GPR50: variants seen among roughly 807,000 people sequenced by gnomAD.
GPR50 encodes the protein G protein-coupled receptor 50.
GPR50 carries 1 observed loss-of-function variant against 2.6 expected under a neutral mutation model. The ratio of observed to expected loss-of-function variants is 0.38; its 90% CI spans 0.13 to 1.79. The LOEUF is 1.79. GPR50 is among the 40% of genes most tolerant of loss of function. GPR50 has a pLI of 0.33. For missense variants in GPR50, 535 were observed against 522.1 expected, an observed-to-expected ratio of 1.02 and a Z score of -0.24; for synonymous variants, 233 against 202.3, an observed-to-expected ratio of 1.15 and a Z score of -1.29.
In GPR50 at chrX:151,181,151, C is replaced by T; in HGVS notation, c.1568C>T (p.Pro523Leu). ...CCCACCACTGCTGACTATCCCAAGCCTGCCACTACCAGCCACCCTAAGCCC... is the reference window on the plus strand; with the variant it reads ...CCCACCACTGCTGACTATCCCAAGCTTGCCACTACCAGCCACCCTAAGCCC... ...AEPTTADYPKPATTSHPKPTA... is the reference protein window; with the variant it reads ...AEPTTADYPKLATTSHPKPTA... The change falls in exon 2 of 2, where the codon CCT becomes CTT. Residue 523 changes from proline (P) to leucine (L), a missense_variant. Pro to Leu is a moderately conservative substitution (Grantham distance 98). Transcript: ENST00000218316. 1 of 1,210,099 alleles carries T rather than the reference C, an allele frequency of 8.3e-7. No homozygotes were observed. Among genetic ancestry groups the T allele is most frequent in the Middle Eastern group, 2.3e-4 (1 of 4,348 alleles).
In GPR50 at chrX:151,180,179, T is replaced by C. The variant is rs1368018425; in HGVS notation, c.596T>C (p.Leu199Pro). The change falls in exon 2 of 2, where the codon CTC becomes CCC. Residue 199 changes from leucine (L) to proline (P), a missense_variant. Transcript: ENST00000218316. ...TVTIVCIHFV[L>P]PLLIVGFCYV... ...ACCATCGTCTGCATCCACTTCGTCC[T>C]CCCTCTCCTCATCGTGGGTTTCTGC... The C allele has an allele frequency of 5.8e-6, 7 of 1,204,238 alleles. No individual in the cohort carries two copies. The Admixed American group carries it at 1.5e-4, about 26-fold the overall frequency.
In GPR50 at chrX:151,180,025, T is replaced by C. The variant is rs770679290; in HGVS notation, c.442T>C (p.Tyr148His). The change falls in exon 2 of 2, where the codon TAC becomes CAC. Residue 148 changes from tyrosine (Y) to histidine (H), a missense_variant. By Grantham distance (83) the Tyr-to-His change is moderately conservative. Transcript: ENST00000218316. ...CTTCAGTGTGCGCAATACCTGCATC[T>C]ACCTGGTCATCACCTGGATCATGAC... Reference protein sequence around the residue: ...RIFSVRNTCIYLVITWIMTVL... With the variant: ...RIFSVRNTCIHLVITWIMTVL... 9.9e-6 allele frequency: 12 copies of C among 1,209,455 alleles called. No individual in the cohort carries two copies. Among genetic ancestry groups the C allele is most frequent in the South Asian group, 1.8e-5 (1 of 56,726 alleles).
Position 151,179,775 on chromosome X carries a change from C to T in GPR50, c.192C>T (p.Asn64=), listed in dbSNP as rs772852088. The T allele has an allele frequency of 2.6e-6, 3 of 1,157,936 alleles. No homozygotes were observed. In the Admixed American group the frequency reaches 7.4e-5, roughly 29 times the overall value. Reference sequence around the variant, plus strand: ...CTCCCTCGATATGTTTTTCAGGCAACATCTTCGTGGTCAGTCTCTCTGTGG... The same window carrying T: ...CTCCCTCGATATGTTTTTCAGGCAATATCTTCGTGGTCAGTCTCTCTGTGG... ...TKNKKLRNSG[N]IFVVSLSVAD... is the part of the protein sequence containing the mutation. The change falls in exon 2 of 2, where the codon AAC becomes AAT. Residue 64 remains asparagine (N), a synonymous_variant. Transcript: ENST00000218316.
rs1199665709 is a variant in GPR50, at chrX:151,180,872, G to T, written c.1289G>T (p.Gly430Val). The change falls in exon 2 of 2, where the codon GGT becomes GTT. Residue 430 changes from glycine (G) to valine (V), a missense_variant. Gly to Val is a moderately radical substitution (Grantham distance 109, BLOSUM62 -3). Coordinates refer to ENST00000218316, the MANE Select transcript of GPR50 (RefSeq NM_004224.3). ...PVSGHSKPAS[G>V]HPKSATVYPK... ...TCTGGCCACTCCAAGCCTGCCTCTG[G>T]TCACCCCAAGTCTGCCACTGTCTAC... is the stretch of plus-strand genomic sequence containing the variant. The T allele has an allele frequency of 8.3e-7, 1 of 1,207,345 alleles. No homozygotes were observed. Among genetic ancestry groups the T allele is most frequent in the African/African-American group, 1.8e-5 (1 of 56,646 alleles).
chrX:151,180,400 A>G lies in GPR50; in HGVS notation c.817A>G (p.Asn273Asp). 8.3e-7 allele frequency: 1 copy of G among 1,211,027 alleles called. No individual in the cohort carries two copies. Among genetic ancestry groups the G allele is most frequent in the Non-Finnish European group, 1.1e-6 (1 of 895,120 alleles). ...GAAGGAGATGGCAGGCAAGATCCCCAACTGGCTTTATCTTGCAGCCTACTT... is the reference window on the plus strand; with the variant it reads ...GAAGGAGATGGCAGGCAAGATCCCCGACTGGCTTTATCTTGCAGCCTACTT... ...SPKEMAGKIP[N>D]WLYLAAYFIA... Residue 273 changes from asparagine to aspartate, a missense_variant, in exon 2 of 2, where the codon AAC becomes GAC. Physicochemically the swap from Asn to Asp is conservative, Grantham distance 23. Transcript: ENST00000218316.
chrX:151,180,837 C>G lies in GPR50; in HGVS notation c.1254C>G (p.Leu418=), dbSNP rs2048709174. 1 of 1,211,099 alleles carries G rather than the reference C, an allele frequency of 8.3e-7. No homozygotes were observed. The highest frequency in any genetic ancestry group is 1.7e-5 in the African/African-American group (1 of 57,724). The change falls in exon 2 of 2, where the codon CTC becomes CTG. Residue 418 remains leucine, a synonymous_variant. Coordinates refer to ENST00000218316, the MANE Select transcript of GPR50 (RefSeq NM_004224.3). ...FSHSKAASGH[L]KPVSGHSKPA... ...ACTCCAAGGCTGCCTCTGGTCACCT[C>G]AAGCCTGTCTCTGGCCACTCCAAGC...
chrX:151,176,813 T>C lies in GPR50; in HGVS notation c.92T>C (p.Met31Thr), dbSNP rs370000417. The C allele has an allele frequency of 2.9e-5, 35 of 1,201,521 alleles. No individual in the cohort carries two copies. The highest frequency in any genetic ancestry group is 3.9e-5 in the Non-Finnish European group (35 of 888,066). ...TACCCACCGGCTCTAATCATCTTTA[T>C]GTTCTGCGCGATGGTTATCACCATC... Reference protein sequence around the residue: ...PEYPPALIIFMFCAMVITIVV... With the variant: ...PEYPPALIIFTFCAMVITIVV... The change falls in exon 1 of 2, where the codon ATG becomes ACG. Residue 31 changes from methionine (M) to threonine (T), a missense_variant. Transcript: ENST00000218316.
Position 151,180,560 on chromosome X carries a change from T to C in GPR50, c.977T>C (p.Ile326Thr), listed in dbSNP as rs766036345. The change falls in exon 2 of 2, where the codon ATT becomes ACT. Residue 326 changes from isoleucine to threonine, a missense_variant. Physicochemically the swap from Ile to Thr is moderately conservative, Grantham distance 89. Coordinates refer to ENST00000218316, the MANE Select transcript of GPR50 (RefSeq NM_004224.3). ...IIFFSGLISD[I>T]REMQEARTLA... ...TTCTTCTCTGGCCTCATCAGTGATA[T>C]TCGTGAGATGCAGGAGGCCCGTACC... The C allele has an allele frequency of 4.1e-6, 5 of 1,211,162 alleles. No individual in the cohort carries two copies. The highest frequency in any genetic ancestry group is 5.6e-6 in the Non-Finnish European group (5 of 895,210).
chrX:151,178,063 G>A (rs1162143513), intron 1 of GPR50, among the ~76,000 whole-genome samples: 1 of 110,746 alleles, frequency 9.0e-6, no homozygotes, highest in Non-Finnish European at 1.9e-5. Flanking sequence ...GCCGGGGGAG[G>A]GAGGGGCGGC....
chrX:151,179,903 T>C lies in GPR50; in HGVS notation c.320T>C (p.Ile107Thr), dbSNP rs2124118293. ...TTACAGTGCCAGATGGTCGGGTTCA[T>C]CACAGGGCTGAGTGTGGTCGGCTCC... ...SQLQCQMVGF[I>T]TGLSVVGSIF... is the part of the protein sequence containing the mutation. Residue 107 changes from isoleucine to threonine, a missense_variant, in exon 2 of 2, where the codon ATC becomes ACC. By Grantham distance (89) the Ile-to-Thr change is moderately conservative. Transcript: ENST00000218316. The C allele has an allele frequency of 8.3e-7, 1 of 1,211,381 alleles. No individual in the cohort carries two copies. The highest frequency in any genetic ancestry group is 1.8e-5 in the South Asian group (1 of 56,931).
At chrX:151,182,341 T>G (rs749494589), downstream of GPR50, 45 of 112,266 alleles carry the variant, frequency 4.0e-4, no homozygotes, top group African/African-American at 1.5e-3. Flanking sequence ...TGGTAATATT[T>G]TTAATATTAT....
chrX:151,181,248 T>G lies in GPR50; in HGVS notation c.1665T>G (p.Ser555=). ...TCCCTGCCATTGCCCACCCTGTGTCTGACGACAGTGACCTCCCTGAGTCGG... is the reference window on the plus strand; with the variant it reads ...TCCCTGCCATTGCCCACCCTGTGTCGGACGACAGTGACCTCCCTGAGTCGG... ...PEIPAIAHPV[S]DDSDLPESAS... The change falls in exon 2 of 2, where the codon TCT becomes TCG. Residue 555 remains serine, a synonymous_variant. Coordinates refer to ENST00000218316, the MANE Select transcript of GPR50 (RefSeq NM_004224.3). The G allele has an allele frequency of 8.3e-7, 1 of 1,210,388 alleles. No homozygotes were observed. The highest frequency in any genetic ancestry group is 1.1e-6 in the Non-Finnish European group (1 of 894,628).
rs748673235 is a variant in GPR50, at chrX:151,179,991, C to T, written c.408C>T (p.Tyr136=). ...GCTACATCTGCCACAGCCTCCAGTA[C>T]GAACGGATCTTCAGTGTGCGCAATA... ...RYCYICHSLQ[Y]ERIFSVRNTC... is the part of the protein sequence containing the mutation. The change falls in exon 2 of 2, where the codon TAC becomes TAT. Residue 136 remains tyrosine, a synonymous_variant. Coordinates refer to ENST00000218316, the MANE Select transcript of GPR50 (RefSeq NM_004224.3). 1.5e-5 allele frequency: 18 copies of T among 1,208,349 alleles called. No individual in the cohort carries two copies. The highest frequency in any genetic ancestry group is 7.0e-5 in the African/African-American group (4 of 57,051).
At chrX:151,181,868 G>T (rs754615211), downstream of GPR50, among the ~76,000 whole-genome samples, 1 of 112,298 alleles carries the variant, frequency 8.9e-6, no homozygotes, top group South Asian at 3.7e-4. Context: ...TGCTAAAGGT[G>T]TGTTGTGGTG....
chrX:151,177,048 C>G, intron 1 of GPR50, 140 bp downstream of exon 1: 1 of 467,107 alleles, frequency 2.1e-6, no homozygotes, highest in South Asian at 3.6e-5. Flanking sequence ...CCCCGCAAGC[C>G]TGGGGGTGGT....
chrX:151,179,413 C>T (rs1235864488), intron 1 of GPR50, among the ~76,000 whole-genome samples: 4 of 109,233 alleles, frequency 3.7e-5, no homozygotes, highest in African/African-American at 1.0e-4. Flanking sequence ...CTCTCCTTGC[C>T]CCCCACTCTC....
intron 1 of GPR50, among the ~76,000 whole-genome samples, chrX:151,178,179 G>A (rs2048691892): frequency 9.1e-6 from 1 of 110,350 alleles, no homozygotes; most frequent in South Asian, 3.9e-4. Flanking sequence ...CGGGCAGGGC[G>A]TGGGGGAGAG....
In GPR50 at chrX:151,180,929, ACT is replaced by A; in HGVS notation, c.1349_1350del (p.Ser450CysfsTer6). 8.3e-7 allele frequency: 1 copy of A among 1,209,257 alleles called. No homozygotes were observed. Among genetic ancestry groups the A allele is most frequent in the Non-Finnish European group, 1.1e-6 (1 of 894,840 alleles). ...CCTGCCTCTGTCCATTTCAAGGCTG[ACT>A]CTGTCCATTTCAAGGGTGACTCTGT... On this transcript the variant is annotated frameshift_variant, in exon 2 of 2. Coordinates refer to ENST00000218316, the MANE Select transcript of GPR50 (RefSeq NM_004224.3). LOFTEE classifies it low-confidence loss of function (END_TRUNC).
chrX:151,181,577 C>T (rs1243129177), downstream of GPR50: 2 of 463,206 alleles, frequency 4.3e-6, no homozygotes, highest in Admixed American at 3.7e-5. Context: ...ACCTTTCAGG[C>T]GTACTCATCC....
Sources: gnomAD v4.1 joint callset for allele counts (sites outside exome capture counted in the v4.1 genomes callset) on GRCh38, gnomAD v4.1.1 for gene constraint, MANE v1.5 for transcripts, NCBI Gene and HGNC (gene_info 2026-07-23, HGNC 2026-07-21) for gene names.